Variants in KLF13 observed in about 807,000 individuals in gnomAD.
The protein encoded by KLF13 is Krueppel-like factor 13.
Under a neutral mutation model 16.7 loss-of-function variants are expected in KLF13, and 8 were observed. That is an observed-to-expected ratio of 0.48 (90% CI 0.28 to 0.87). The LOEUF is 0.87. KLF13 is among the 40% of genes least tolerant of loss of function. The pLI is 0.10. For missense variants in KLF13, 447 were observed against 452.2 expected (o/e 0.99, Z 0.10); for synonymous variants, 245 against 208.4 (o/e 1.18, Z -1.51).
At chr15:31,355,938 GC>G (rs961742758) in intron 1 of KLF13, among the ~76,000 whole-genome samples, 9 of 151,954 alleles carry the variant, frequency 5.9e-5, no homozygotes, top group South Asian at 2.1e-4. Flanking sequence ...TACCATCCAG[GC>G]CCCACTTCCT....
intron 1 of KLF13, among the ~76,000 whole-genome samples, chr15:31,370,529 C>T (rs1366503731): frequency 6.6e-6 from 1 of 152,024 alleles, no homozygotes; most frequent in African/African-American, 2.4e-5. Context: ...AGTGATTCTC[C>T]TGCTTCAGCC....
intron 1 of KLF13, among the ~76,000 whole-genome samples, chr15:31,349,319 C>T (rs1449995393): frequency 9.2e-5 from 14 of 152,196 alleles, no homozygotes; most frequent in African/African-American, 2.9e-4. Flanking sequence ...CCCCATGAGC[C>T]GCCACCTGTG....
chr15:31,354,450 A>G (rs770996679), intron 1 of KLF13, among the ~76,000 whole-genome samples: 4 of 152,208 alleles, frequency 2.6e-5, no homozygotes, highest in Non-Finnish European at 5.9e-5. Flanking sequence ...GCGCGATCTC[A>G]GCTCACTGCA....
chr15:31,415,529 C>G (rs1350969504), intron 1 of KLF13, among the ~76,000 whole-genome samples: 1 of 152,030 alleles, frequency 6.6e-6, no homozygotes, highest in Non-Finnish European at 1.5e-5. Context: ...ACAAAACACT[C>G]CTGAATAACC....
At chr15:31,370,402 A>G (rs996511739) in intron 1 of KLF13, among the ~76,000 whole-genome samples, 2 of 150,294 alleles carry the variant, frequency 1.3e-5, no homozygotes, top group African/African-American at 4.9e-5. Context: ...GCTGTTTTCA[A>G]TTCCTAAATG....
chr15:31,405,413 G>A (rs1012267655), downstream of KLF13, among the ~76,000 whole-genome samples: 2 of 152,216 alleles, frequency 1.3e-5, no homozygotes, highest in Non-Finnish European at 2.9e-5. Flanking sequence ...TACGAACCAG[G>A]AAGAGGCCTT....
chr15:31,396,100 A>G lies in KLF13; in HGVS notation n.529+2409A>G, dbSNP rs140918542. On this transcript the variant is annotated intron_variant and non_coding_transcript_variant, in intron 2 of 2. Transcript: ENST00000500533. ...GAGTGCAATGGCGCGATCTTGGCTC[A>G]ATGCAACCTCCGTCTCCTGGGTTCA... is the stretch of plus-strand genomic sequence containing the variant. 4.1e-3 allele frequency among the ~76,000 whole-genome samples: 625 copies of G among 152,224 alleles called. 5 individuals are homozygous for G. Among genetic ancestry groups the G allele is most frequent in the African/African-American group, 0.015 (603 of 41,528 alleles).
At position 31,373,865 on chromosome 15, in the gene KLF13, C is replaced by CGCGT. The variant is rs1288722478; in HGVS notation, c.*1568_*1571dup. ...GTGTGCGTGCGTGTGGGTGTGTGCG[C>CGCGT]GCGTGAGCACACACGCGTGTGTTGG... On this transcript the variant is annotated 3_prime_UTR_variant, in exon 2 of 2. Coordinates refer to ENST00000307145, the MANE Select transcript of KLF13 (RefSeq NM_015995.4). 5 of 132,130 alleles carry CGCGT rather than the reference C, an allele frequency of 3.8e-5. No individual in the cohort carries two copies. The highest frequency in any genetic ancestry group is 1.2e-4 in the African/African-American group (4 of 34,758). 8.2% of individuals were successfully genotyped at this position (132,130 alleles called of 1,614,324 possible). A position where few individuals can be genotyped will look rare whatever the true frequency, so the allele number is the denominator to read the frequency against.
downstream of KLF13, among the ~76,000 whole-genome samples, chr15:31,405,177 A>G (rs542042729): frequency 2.6e-4 from 39 of 152,204 alleles, 1 homozygote; most frequent in Admixed American, 4.6e-4. Flanking sequence ...GAGCCTGCGT[A>G]GTGGTGTGCG....
downstream of KLF13, among the ~76,000 whole-genome samples, chr15:31,381,171 CA>C (rs398043115): frequency 1.6e-3 from 196 of 121,480 alleles, no homozygotes; most frequent in African/African-American, 4.0e-3. Context: ...GACTCTGTCT[CA>C]AAAAAAAAAA....
At chr15:31,350,377 G>C (rs1466139206) in intron 1 of KLF13, among the ~76,000 whole-genome samples, 2 of 152,240 alleles carry the variant, frequency 1.3e-5, no homozygotes, top group Non-Finnish European at 2.9e-5. Context: ...GGCCTAATGA[G>C]AACAATGGTC....
At position 31,327,719 on chromosome 15, in the gene KLF13, C is replaced by T. The variant is rs368768973; in HGVS notation, c.507C>T (p.Cys169=). 10 of 1,537,536 alleles carry T rather than the reference C, an allele frequency of 6.5e-6. No individual in the cohort carries two copies. Among genetic ancestry groups the T allele is most frequent in the African/African-American group, 1.4e-5 (1 of 69,646 alleles). Residue 169 remains cysteine (C), a synonymous_variant, in exon 1 of 2, where the codon TGC becomes TGT. Coordinates refer to ENST00000307145, the MANE Select transcript of KLF13 (RefSeq NM_015995.4). The stretch of plus-strand genomic sequence containing the variant: ...AGTCCCCGCAGAGGAAGCACAAGTG[C>T]CACTACGCGGGCTGCGAGAAAGTTT... The part of the protein sequence containing the change: ...DLESPQRKHK[C]HYAGCEKVYG...
chr15:31,328,187 C>T (rs1425063206), intron 1 of KLF13, among the ~76,000 whole-genome samples: 1 of 150,194 alleles, frequency 6.7e-6, no homozygotes, highest in African/African-American at 2.4e-5. Context: ...GGAGCGGGGG[C>T]AGGGGACGCT....
At position 31,364,903 on chromosome 15, in the gene KLF13, G is replaced by A. The variant is rs373364691; in HGVS notation, c.578-7107G>A. 8.5e-5 allele frequency among the ~76,000 whole-genome samples: 13 copies of A among 152,334 alleles called. 1 individual carries two copies. The highest frequency in any genetic ancestry group is 5.9e-4 in the Admixed American group (9 of 15,304). The stretch of plus-strand genomic sequence containing the variant: ...GTCAAATGGCCTCCTAAGGAGTTAG[G>A]AAGTCCACCCCCCACCACAGAGGCC... On this transcript the variant is annotated intron_variant, in intron 1 of 1. Transcript: ENST00000307145.
chr15:31,385,636 C>A (rs2039787027), intron 1 of KLF13, among the ~76,000 whole-genome samples: 1 of 152,186 alleles, frequency 6.6e-6, no homozygotes, highest in Non-Finnish European at 1.5e-5. Context: ...GTGCCATGAA[C>A]CACTTCCATA....
At position 31,327,677 on chromosome 15, in the gene KLF13, A is replaced by C; in HGVS notation, c.465A>C (p.Arg155=). The change falls in exon 1 of 2, where the codon CGA becomes CGC. Residue 155 remains arginine (R), a synonymous_variant. Transcript: ENST00000307145. The part of the protein sequence containing the change: ...PGLRQRVRRG[R]SRADLESPQR... ...TCAGACAAAGGGTCCGGCGGGGCCG[A>C]AGTCGCGCCGACCTCGAGTCCCCGC... 1 of 1,517,838 alleles carries C rather than the reference A, an allele frequency of 6.6e-7. No individual in the cohort carries two copies. The allele number at this position is 1,517,838 out of a possible 1,614,324, so 94.0% of individuals were successfully genotyped here.
At chr15:31,419,208 A>G (rs1286182552) in intron 1 of KLF13, among the ~76,000 whole-genome samples, 2 of 152,178 alleles carry the variant, frequency 1.3e-5, no homozygotes, top group Non-Finnish European at 2.9e-5. Context: ...AAGACTGAAG[A>G]GTTGCCTGTT....
chr15:31,424,383 G>A, intron 1 of KLF13, among the ~76,000 whole-genome samples: 1 of 152,000 alleles, frequency 6.6e-6, no homozygotes, highest in Non-Finnish European at 1.5e-5. Context: ...GACCAAGTGG[G>A]ATTTATTCCT....
At chr15:31,363,513 G>A (rs914654322) in intron 1 of KLF13, among the ~76,000 whole-genome samples, 1 of 152,216 alleles carries the variant, frequency 6.6e-6, no homozygotes, top group Non-Finnish European at 1.5e-5. Flanking sequence ...TTGAGACTGA[G>A]TCTCACTCTG....
Sources: allele counts gnomAD v4.1 joint callset (sites outside exome capture counted in the v4.1 genomes callset), GRCh38; gene constraint gnomAD v4.1.1; transcripts MANE v1.5; gene names NCBI Gene and HGNC (gene_info 2026-07-23, HGNC 2026-07-21).